The following MYT1L variants were observed in gnomAD, a reference collection of about 807,000 sequenced individuals.
MYT1L encodes myelin transcription factor 1 like.
A neutral mutation model predicts 126.7 loss-of-function variants in MYT1L; 12 were observed. The observed-to-expected ratio is 0.09, with a 90% CI of 0.06 to 0.15. The LOEUF (loss-of-function observed/expected upper bound fraction) is 0.15. Among genes scored for constraint, MYT1L ranks in the 10% least tolerant of loss-of-function variants. The pLI is 1.00. For synonymous variants in MYT1L, 541 were observed against 604.2 expected (o/e 0.90, Z 1.53); for missense variants, 979 against 1,585.2 (o/e 0.62, Z 6.49).
At position 2,204,665 on chromosome 2, in the gene MYT1L, G is replaced by A. The variant is rs562432697; in HGVS notation, c.-420-31677C>T. On this transcript the variant is annotated intron_variant, in intron 2 of 24. Transcript: ENST00000647738. Reference sequence around the variant, plus strand: ...AGGAACACTTTTACACTGTTGGTGGGACTGTCAACTAGTTCAACCACTGTG... The same window carrying A: ...AGGAACACTTTTACACTGTTGGTGGAACTGTCAACTAGTTCAACCACTGTG... 1.9e-4 allele frequency among the ~76,000 whole-genome samples: 29 copies of A among 151,200 alleles called. No individual in the cohort carries two copies. In the South Asian group the frequency reaches 5.8e-3, roughly 30 times the overall value.
chr2:2,162,770 G>A (rs1220186462), intron 3 of MYT1L, among the ~76,000 whole-genome samples: 1 of 152,188 alleles, frequency 6.6e-6, no homozygotes, highest in East Asian at 1.9e-4. Context: ...GTTCATTTCT[G>A]AATTCATGTT....
In MYT1L at chr2:2,265,297, C is replaced by T. The variant is rs150719132; in HGVS notation, c.-421+19107G>A. On this transcript the variant is annotated intron_variant, in intron 2 of 24. Coordinates refer to ENST00000647738, the MANE Select transcript of MYT1L (RefSeq NM_001303052.2). ...TGTTGGGATTACAGGCTTGAGCCAC[C>T]GCGCCTGGCCCATCCTTTTTTTTTT... Among the ~76,000 whole-genome samples, 995 of 151,442 alleles carry T rather than the reference C, an allele frequency of 6.6e-3. 13 individuals are homozygous for T. The highest frequency in any genetic ancestry group is 0.023 in the African/African-American group (950 of 41,288).
intron 8 of MYT1L, among the ~76,000 whole-genome samples, chr2:1,954,963 GAGAA>G (rs1398183196): frequency 2.6e-5 from 4 of 151,186 alleles, no homozygotes; most frequent in Non-Finnish European, 2.9e-5. Context: ...AAGAGAGAGA[GAGAA>G]AGAAAGAAAA....
At chr2:2,288,010 C>T (rs775495229) in intron 1 of MYT1L, among the ~76,000 whole-genome samples, 2 of 152,218 alleles carry the variant, frequency 1.3e-5, no homozygotes, top group Non-Finnish European at 2.9e-5. Flanking sequence ...CCTTTTTTGG[C>T]TTCTTCAGAC....
chr2:2,080,704 A>G (rs945325176), intron 3 of MYT1L, among the ~76,000 whole-genome samples: 1 of 152,168 alleles, frequency 6.6e-6, no homozygotes, highest in African/African-American at 2.4e-5. Flanking sequence ...AAAGGAACAA[A>G]TGTTGGTGAG....
At chr2:2,269,454 G>T (rs1392491502) in intron 2 of MYT1L, among the ~76,000 whole-genome samples, 5 of 152,208 alleles carry the variant, frequency 3.3e-5, no homozygotes, top group African/African-American at 1.2e-4. Context: ...GGTTGTGAAG[G>T]TTACAGGAGG....
intron 2 of MYT1L, among the ~76,000 whole-genome samples, chr2:2,227,325 T>G (rs2094035904): frequency 6.6e-6 from 1 of 152,194 alleles, no homozygotes; most frequent in Non-Finnish European, 1.5e-5. Context: ...GCCTCATAGA[T>G]TCAATGACCC....
intron 18 of MYT1L, among the ~76,000 whole-genome samples, chr2:1,863,041 T>TG (rs1453689486): frequency 7.2e-5 from 11 of 152,144 alleles, no homozygotes; most frequent in African/African-American, 2.7e-4. Context: ...CTGGCCCAGA[T>TG]GGACACTGGG....
chr2:1,851,604 AG>A, intron 19 of MYT1L, 36 bp downstream of exon 19: 13 of 1,593,844 alleles, frequency 8.2e-6, no homozygotes, highest in Non-Finnish European at 1.1e-5. Context: ...TCAGTGAGAA[AG>A]AGCATTTTGG....
chr2:2,203,968 C>T (rs1407651067), intron 2 of MYT1L, among the ~76,000 whole-genome samples: 1 of 152,196 alleles, frequency 6.6e-6, no homozygotes, highest in Non-Finnish European at 1.5e-5. Context: ...ATATCTACAA[C>T]TATCTGATCT....
At chr2:2,108,427 A>G (rs571343927) in intron 3 of MYT1L, among the ~76,000 whole-genome samples, 1 of 152,304 alleles carries the variant, frequency 6.6e-6, no homozygotes, top group African/African-American at 2.4e-5. Context: ...TTTCAGCTTC[A>G]TCCTAACACC....
intron 3 of MYT1L, among the ~76,000 whole-genome samples, chr2:2,149,119 C>T (rs144012769): frequency 6.6e-6 from 1 of 152,194 alleles, no homozygotes; most frequent in Non-Finnish European, 1.5e-5. Flanking sequence ...TTATTTTCTT[C>T]CTTCCTTCCT....
intron 1 of MYT1L, among the ~76,000 whole-genome samples, chr2:2,323,114 A>C (rs1436550956): frequency 6.6e-6 from 1 of 152,182 alleles, no homozygotes; most frequent in East Asian, 1.9e-4. Flanking sequence ...GATCAAAAGC[A>C]AGTTTCAGCA....
At chr2:2,030,826 C>T (rs2066156050) in intron 4 of MYT1L, among the ~76,000 whole-genome samples, 1 of 152,166 alleles carries the variant, frequency 6.6e-6, no homozygotes, top group African/African-American at 2.4e-5. Context: ...GCCAGTGGTC[C>T]TATTTTGACT....
At position 1,980,971 on chromosome 2, in the gene MYT1L, T is replaced by C. The variant is rs368947174; in HGVS notation, c.1-1194A>G. 7.2e-5 allele frequency among the ~76,000 whole-genome samples: 11 copies of C among 152,268 alleles called. No individual in the cohort carries two copies. In the East Asian group the frequency reaches 1.2e-3, roughly 16 times the overall value. On this transcript the variant is annotated intron_variant, in intron 5 of 24. Coordinates refer to ENST00000647738, the MANE Select transcript of MYT1L (RefSeq NM_001303052.2). Reference sequence around the variant, plus strand: ...GGCTCACAGGGCACACCAAAGCCACTTCCTCCATGGTTTAGAGGAAGAACA... The same window carrying C: ...GGCTCACAGGGCACACCAAAGCCACCTCCTCCATGGTTTAGAGGAAGAACA...
In MYT1L at chr2:1,929,499, C is replaced by T. The variant is rs1322865325; in HGVS notation, c.506-6236G>A. On this transcript the variant is annotated intron_variant, in intron 9 of 24. Coordinates refer to ENST00000647738, the MANE Select transcript of MYT1L (RefSeq NM_001303052.2). The surrounding 1 kb of genome is among the most constrained non-coding windows in gnomAD (Gnocchi z 4.7). ...CCAGGCCGCACTGTCCCTGGCTCCG[C>T]TCTAGCCATCACCGTCACGCTTCCC... Among the ~76,000 whole-genome samples, 2 of 152,214 alleles carry T rather than the reference C, an allele frequency of 1.3e-5. No individual in the cohort carries two copies. Among genetic ancestry groups the T allele is most frequent in the African/African-American group, 4.8e-5 (2 of 41,460 alleles).
intron 3 of MYT1L, among the ~76,000 whole-genome samples, chr2:2,102,604 A>ATGTGTGTGTGTGTGTGTG (rs3047992): frequency 7.0e-6 from 1 of 143,012 alleles, no homozygotes; most frequent in African/African-American, 2.6e-5. Flanking sequence ...CCTCTTGGGA[A>ATGTGTGTGTGTGTGTGTG]TGTGTGTGTG....
chr2:1,807,644 G>C (rs1253852493), intron 22 of MYT1L, among the ~76,000 whole-genome samples: 1 of 152,168 alleles, frequency 6.6e-6, no homozygotes, highest in African/African-American at 2.4e-5. Flanking sequence ...GGCTTCTGCT[G>C]TGAAGGGGAC....
chr2:1,831,330 T>TA (rs1199820138), intron 21 of MYT1L, among the ~76,000 whole-genome samples: 4 of 151,888 alleles, frequency 2.6e-5, no homozygotes, highest in African/African-American at 9.7e-5. Flanking sequence ...CTCCACCTGG[T>TA]ACTCCTGCTG....
Sources: gnomAD v4.1 joint callset for allele counts (sites outside exome capture counted in the v4.1 genomes callset) on GRCh38, gnomAD v4.1.1 for gene constraint, Gnocchi (gnomAD v3.1) non-coding constraint, MANE v1.5 for transcripts, NCBI Gene and HGNC (gene_info 2026-07-23, HGNC 2026-07-21) for gene names.